The following TRDMT1 variants were observed in gnomAD, a reference collection of about 807,000 sequenced individuals.
TRDMT1 encodes tRNA (cytosine(38)-C(5))-methyltransferase.
TRDMT1 carries 49 observed loss-of-function variants against 51.2 expected under a neutral mutation model. The observed-to-expected ratio is 0.96, with a 90% CI of 0.76 to 1.21. TRDMT1 has a LOEUF of 1.21. Among genes scored for constraint, TRDMT1 ranks in the 50% most tolerant of loss-of-function variants. TRDMT1 has a pLI of 0.00. For synonymous variants in TRDMT1, 187 were observed against 164.6 expected, an observed-to-expected ratio of 1.14 and a Z score of -1.04; for missense variants, 534 against 462.3, an observed-to-expected ratio of 1.16 and a Z score of -1.42.
intron 2 of TRDMT1, chr10:17,169,446 G>C (rs1841669330): frequency 7.8e-7 from 1 of 1,289,308 alleles, no homozygotes; most frequent in Non-Finnish European, 1.0e-6. Context: ...TTTTGCAGTT[G>C]TGTGCAATGA....
At position 17,145,335 on chromosome 10, in the gene TRDMT1, G is replaced by A; in HGVS notation, c.*3705C>T. 2.0e-6 allele frequency: 2 copies of A among 985,422 alleles called. No individual in the cohort carries two copies. Among genetic ancestry groups the A allele is most frequent in the Non-Finnish European group, 2.4e-6 (2 of 829,972 alleles). The allele number at this position is 985,422 out of a possible 1,614,324, so 61.0% of individuals were successfully genotyped here. On this transcript the variant is annotated 3_prime_UTR_variant, in exon 11 of 11. Coordinates refer to ENST00000377799, the MANE Select transcript of TRDMT1 (RefSeq NM_004412.7). ...AAGGCATAACTAGACATCTTGGTGG[G>A]TGTGACAGAGGTCCAGAAAAGTGCT...
intron 3 of TRDMT1, among the ~76,000 whole-genome samples, chr10:17,165,681 AC>A (rs1366211578): frequency 2.6e-5 from 4 of 152,258 alleles, no homozygotes; most frequent in African/African-American, 7.2e-5. Flanking sequence ...CAAGAAAAAA[AC>A]AAAAAACCCC....
In TRDMT1 at chr10:17,145,115, C is replaced by T; in HGVS notation, c.*3925G>A. 1.8e-6 allele frequency: 1 copy of T among 571,014 alleles called. No individual in the cohort carries two copies. The highest frequency in any genetic ancestry group is 2.2e-6 in the Non-Finnish European group (1 of 451,420). The allele number at this position is 571,014 out of a possible 1,614,324, so 35.4% of individuals were successfully genotyped here. ...TACAAAAATTAGCTAGGTGTGGTGG[C>T]ATGCGCCTGTAATCCCAGCTACTAG... On this transcript the variant is annotated 3_prime_UTR_variant, in exon 11 of 11. Coordinates refer to ENST00000377799, the MANE Select transcript of TRDMT1 (RefSeq NM_004412.7).
At chr10:17,192,958 G>A (rs1242056454) in intron 1 of TRDMT1, among the ~76,000 whole-genome samples, 1 of 152,160 alleles carries the variant, frequency 6.6e-6, no homozygotes, top group Non-Finnish European at 1.5e-5. Flanking sequence ...TACTGAGTGG[G>A]CAAATGATGG....
Position 17,201,658 on chromosome 10 carries a change from C to T in TRDMT1, c.-24G>A. The T allele has an allele frequency of 1.3e-6, 2 of 1,538,070 alleles. No homozygotes were observed. The highest frequency in any genetic ancestry group is 1.7e-6 in the Non-Finnish European group (2 of 1,142,930). The stretch of plus-strand genomic sequence containing the variant: ...ATCCCCGCGCCTCAGCCGCCGCAGC[C>T]CCGGAGCTAGGCCTGCCGGTCCGTC... On this transcript the variant is annotated 5_prime_UTR_variant, in exon 1 of 11. Transcript: ENST00000377799.
At chr10:17,154,809 T>C (rs766560520) in intron 8 of TRDMT1, 75 bp from the exon 9 acceptor site, 281 of 1,270,122 alleles carry the variant, frequency 2.2e-4, no homozygotes, top group Non-Finnish European at 2.8e-4. Context: ...ATTTATTGAA[T>C]GAATTAATCA....
chr10:17,200,506 T>C (rs1487369218), intron 1 of TRDMT1: 1 of 168,030 alleles, frequency 6.0e-6, no homozygotes, highest in African/African-American at 2.4e-5. Context: ...CATTAAATAT[T>C]GTCTGTATCT....
At chr10:17,168,376 A>G (rs888998952) in intron 3 of TRDMT1, among the ~76,000 whole-genome samples, 1 of 152,166 alleles carries the variant, frequency 6.6e-6, no homozygotes, top group African/African-American at 2.4e-5. Context: ...AAATTTCCGA[A>G]CTATGAAATG....
chr10:17,189,058 T>C (rs1844331795), intron 1 of TRDMT1, among the ~76,000 whole-genome samples: 1 of 152,202 alleles, frequency 6.6e-6, no homozygotes. Flanking sequence ...AGCAGTACTT[T>C]ATTGATTTGC....
intron 2 of TRDMT1, among the ~76,000 whole-genome samples, chr10:17,170,995 C>T (rs560059951): frequency 5.4e-5 from 8 of 148,380 alleles, no homozygotes; most frequent in African/African-American, 1.2e-4. Context: ...AGTACATTAG[C>T]TAACAGATCC....
chr10:17,153,752 A>T, intron 9 of TRDMT1, 116 bp from the exon 10 acceptor site: 1 of 1,089,900 alleles, frequency 9.2e-7, no homozygotes, highest in Non-Finnish European at 1.3e-6. Context: ...ACACAGTGGC[A>T]AAGTGCACAG....
At chr10:17,156,948 T>C (rs1022833731) in intron 8 of TRDMT1, among the ~76,000 whole-genome samples, 1 of 152,188 alleles carries the variant, frequency 6.6e-6, no homozygotes, top group Non-Finnish European at 1.5e-5. Flanking sequence ...CTTAGTTATC[T>C]TTTGAATTGG....
chr10:17,161,633 G>A (rs1588541758), intron 4 of TRDMT1, 85 bp from the exon 5 acceptor site: 5 of 747,884 alleles, frequency 6.7e-6, no homozygotes, highest in East Asian at 3.7e-5. Flanking sequence ...TGGGAAATAC[G>A]AGGTAAGTAA....
chr10:17,138,557 G>T lies in TRDMT1; in HGVS notation c.*10483C>A, dbSNP rs1837490373. On this transcript the variant is annotated 3_prime_UTR_variant, in exon 11 of 11. Coordinates refer to ENST00000377799, the MANE Select transcript of TRDMT1 (RefSeq NM_004412.7). Reference sequence around the variant, plus strand: ...ACTACTGTGATGAACTGATCTTTTTGAAAGCAGTGTGGTCTTGGCTCAAGG... The same window carrying T: ...ACTACTGTGATGAACTGATCTTTTTTAAAGCAGTGTGGTCTTGGCTCAAGG... Among the ~76,000 whole-genome samples the T allele has an allele frequency of 6.6e-6, 1 of 152,172 alleles. No homozygotes were observed. The highest frequency in any genetic ancestry group is 6.5e-5 in the Admixed American group (1 of 15,272).
At position 17,161,552 on chromosome 10, in the gene TRDMT1, TA is replaced by T. The variant is rs770278693; in HGVS notation, c.324-5del. ...ATACTTTGGTAATTTTTGTAATCTA[TA>T]AAAAAATAAACAAATGGAATTCTAA... On this transcript the variant is annotated splice_region_variant and splice_polypyrimidine_tract_variant and intron_variant, in intron 4 of 10. Transcript: ENST00000377799. The T allele has an allele frequency of 1.3e-5, 16 of 1,242,310 alleles. No individual in the cohort carries two copies. Among genetic ancestry groups the T allele is most frequent in the Admixed American group, 8.6e-5 (3 of 34,982 alleles). 77.0% of individuals were successfully genotyped at this position (1,242,310 alleles called of 1,614,324 possible). A position where few individuals can be genotyped will look rare whatever the true frequency, so the allele number is the denominator to read the frequency against.
intron 8 of TRDMT1, among the ~76,000 whole-genome samples, 165 bp downstream of exon 8, chr10:17,157,276 A>G (rs776689344): frequency 3.3e-5 from 5 of 152,190 alleles, no homozygotes; most frequent in Non-Finnish European, 5.9e-5. Flanking sequence ...CGGAATTTTT[A>G]CTTGTGTTCT....
intron 1 of TRDMT1, among the ~76,000 whole-genome samples, chr10:17,191,708 G>C (rs1032350560): frequency 1.3e-5 from 2 of 152,140 alleles, no homozygotes; most frequent in Non-Finnish European, 2.9e-5. Flanking sequence ...CTTCTCACTG[G>C]CATTTGAGCA....
At position 17,160,378 on chromosome 10, in the gene TRDMT1, A is replaced by G; in HGVS notation, c.390-4T>C. ...TATTGTTTGTATCAAGAGGTCTCTA[A>G]AAAGAAAAAAAAAAAACTTTAATTC... On this transcript the variant is annotated splice_region_variant and splice_polypyrimidine_tract_variant and intron_variant, in intron 5 of 10. Coordinates refer to ENST00000377799, the MANE Select transcript of TRDMT1 (RefSeq NM_004412.7). 1 of 1,511,760 alleles carries G rather than the reference A, an allele frequency of 6.6e-7. No individual in the cohort carries two copies. Among genetic ancestry groups the G allele is most frequent in the Non-Finnish European group, 8.9e-7 (1 of 1,126,860 alleles). 93.6% of individuals were successfully genotyped at this position (1,511,760 alleles called of 1,614,324 possible). A position where few individuals can be genotyped will look rare whatever the true frequency, so the allele number is the denominator to read the frequency against.
intron 1 of TRDMT1, among the ~76,000 whole-genome samples, chr10:17,198,756 T>A (rs1430682071): frequency 6.6e-6 from 1 of 152,244 alleles, no homozygotes; most frequent in Non-Finnish European, 1.5e-5. Context: ...ATGTACTTAA[T>A]GCCATTGAAC....
Sources: gnomAD v4.1 joint callset for allele counts (sites outside exome capture counted in the v4.1 genomes callset) on GRCh38, gnomAD v4.1.1 for gene constraint, MANE v1.5 for transcripts, NCBI Gene and HGNC (gene_info 2026-07-23, HGNC 2026-07-21) for gene names.